TLN2: variants seen among roughly 807,000 people sequenced by gnomAD.
TLN2 encodes talin 2.
In TLN2, 118 loss-of-function variants were observed where a neutral mutation model predicts 294.7. That is an observed-to-expected ratio of 0.40 (90% CI 0.34 to 0.47). TLN2 has a LOEUF of 0.47. TLN2 is among the 20% of genes least tolerant of loss of function. The pLI, the probability that TLN2 is intolerant of heterozygous loss-of-function variation, is 0.84. For synonymous variants in TLN2, 1,431 were observed against 1,304.5 expected, an observed-to-expected ratio of 1.10 and a Z score of -2.09; for missense variants, 3,083 against 3,282.2, an observed-to-expected ratio of 0.94 and a Z score of 1.48.
chr15:62,457,919 T>C (rs2036572432), intron 1 of TLN2, among the ~76,000 whole-genome samples: 1 of 152,198 alleles, frequency 6.6e-6, no homozygotes, highest in African/African-American at 2.4e-5. Context: ...TGTCGTGACT[T>C]ATTTACCTTG....
At chr15:62,394,901 C>G (rs886868241) in intron 1 of TLN2, among the ~76,000 whole-genome samples, 2 of 152,112 alleles carry the variant, frequency 1.3e-5, no homozygotes, top group Non-Finnish European at 2.9e-5. Flanking sequence ...CATTTGCCAC[C>G]CATTTCACAG....
intron 1 of TLN2, among the ~76,000 whole-genome samples, chr15:62,584,215 A>G (rs945903861): frequency 3.9e-5 from 6 of 152,388 alleles, no homozygotes; most frequent in African/African-American, 1.4e-4. Context: ...GGTTAGAGCT[A>G]CTTACTCATA....
At chr15:62,440,531 G>T (rs1171277187) in intron 1 of TLN2, among the ~76,000 whole-genome samples, 1 of 152,124 alleles carries the variant, frequency 6.6e-6, no homozygotes, top group Non-Finnish European at 1.5e-5. Context: ...GGGTGGGGTG[G>T]TGTTTGTGCC....
At chr15:62,635,164 A>C (rs914426765) in intron 3 of TLN2, among the ~76,000 whole-genome samples, 2 of 152,182 alleles carry the variant, frequency 1.3e-5, no homozygotes, top group Non-Finnish European at 2.9e-5. Flanking sequence ...ATACTTGTAC[A>C]TTCAGATTTC....
At chr15:62,448,363 T>C (rs1066668) in intron 1 of TLN2, among the ~76,000 whole-genome samples, 15,754 of 152,200 alleles carry the variant, frequency 0.1, 814 homozygotes, top group East Asian at 0.16. Flanking sequence ...CAAATGTAGT[T>C]ATAGAAATGC....
chr15:62,404,415 T>G (rs2033248408), intron 1 of TLN2, among the ~76,000 whole-genome samples: 1 of 152,170 alleles, frequency 6.6e-6, no homozygotes, highest in African/African-American at 2.4e-5. Flanking sequence ...GGTGAATCAC[T>G]CATCCCCAGA....
chr15:62,840,530 G>C lies in TLN2; in HGVS notation c.7549G>C (p.Glu2517Gln). The part of the protein sequence containing the change: ...EMLKKERELE[E>Q]ARKKLAQIRQ... ...GCTAAAGAAAGAGCGAGAACTGGAA[G>C]AAGCAAGGAAAAAACTGGCCCAAAT... The change falls in exon 59 of 59, where the codon GAA becomes CAA. Residue 2517 changes from glutamate to glutamine, a missense_variant. Physicochemically the swap from Glu to Gln is conservative, Grantham distance 29. Coordinates refer to ENST00000636159, the MANE Select transcript of TLN2 (RefSeq NM_015059.3). 1 of 1,614,208 alleles carries C rather than the reference G, an allele frequency of 6.2e-7. No individual in the cohort carries two copies. The highest frequency in any genetic ancestry group is 2.2e-5 in the East Asian group (1 of 44,872).
chr15:62,619,885 G>A (rs2048635179), intron 3 of TLN2, among the ~76,000 whole-genome samples: 1 of 152,132 alleles, frequency 6.6e-6, no homozygotes, highest in East Asian at 1.9e-4. Context: ...TTAGCTCTGG[G>A]GTACTAATGT....
intron 42 of TLN2, among the ~76,000 whole-genome samples, chr15:62,771,760 G>A (rs6494353): frequency 0.98 from 149,676 of 152,322 alleles, 73,586 homozygotes; most frequent in Middle Eastern, 1. Context: ...TCTATCTGGA[G>A]CATGTAGAGC....
chr15:62,764,864 G>A (rs1251947478), intron 40 of TLN2, among the ~76,000 whole-genome samples: 3 of 151,808 alleles, frequency 2.0e-5, no homozygotes, highest in African/African-American at 7.3e-5. Flanking sequence ...CCACCCAGGA[G>A]GCTGAGGCAG....
At chr15:62,429,497 C>T (rs1027383368) in intron 1 of TLN2, among the ~76,000 whole-genome samples, 6 of 152,118 alleles carry the variant, frequency 3.9e-5, no homozygotes, top group African/African-American at 1.4e-4. Context: ...GTTTAGTTAC[C>T]CCCTCTAATT....
intron 13 of TLN2, 85 bp from the exon 14 acceptor site, chr15:62,694,229 AGC>A: frequency 1.7e-6 from 2 of 1,201,586 alleles, no homozygotes; most frequent in Non-Finnish European, 2.5e-6. Flanking sequence ...CGCCCGTCTC[AGC>A]CTCCCAAAGT....
chr15:62,607,031 C>T (rs982648422), intron 2 of TLN2, among the ~76,000 whole-genome samples: 1 of 152,160 alleles, frequency 6.6e-6, no homozygotes, highest in Non-Finnish European at 1.5e-5. Flanking sequence ...CCGCCCCTTC[C>T]TCATCTCCGG....
chr15:62,566,260 C>G (rs1044015570), intron 1 of TLN2, among the ~76,000 whole-genome samples: 13 of 152,074 alleles, frequency 8.5e-5, no homozygotes, highest in African/African-American at 2.7e-4. Flanking sequence ...AGCGGGACAT[C>G]AGTACTTCTC....
chr15:62,737,490 A>G (rs1305150850), intron 29 of TLN2, among the ~76,000 whole-genome samples: 1 of 152,214 alleles, frequency 6.6e-6, no homozygotes, highest in Non-Finnish European at 1.5e-5. Flanking sequence ...ACTTCTTTAA[A>G]TGATTCTTCG....
intron 19 of TLN2, among the ~76,000 whole-genome samples, chr15:62,705,059 T>C (rs1430219821): frequency 1.3e-5 from 2 of 152,246 alleles, no homozygotes; most frequent in African/African-American, 2.4e-5. Flanking sequence ...TAAAAGCTTT[T>C]CCTGCCTCTC....
chr15:62,556,549 G>A (rs567997580), intron 1 of TLN2, among the ~76,000 whole-genome samples: 5 of 151,960 alleles, frequency 3.3e-5, no homozygotes, highest in Non-Finnish European at 4.4e-5. Context: ...TCCTCCTGCC[G>A]CAGCCTCCTA....
intron 3 of TLN2, among the ~76,000 whole-genome samples, chr15:62,632,260 C>T (rs1335115696): frequency 2.0e-5 from 3 of 152,208 alleles, no homozygotes; most frequent in African/African-American, 7.2e-5. Context: ...CATTTCTGTT[C>T]TGACTAAATC....
intron 1 of TLN2, among the ~76,000 whole-genome samples, chr15:62,433,550 G>A (rs540411984): frequency 1.3e-5 from 2 of 152,258 alleles, no homozygotes; most frequent in African/African-American, 4.8e-5. Flanking sequence ...GACTGTGATT[G>A]TGTTACCTGC....
Sources: gnomAD v4.1 joint callset for allele counts (sites outside exome capture counted in the v4.1 genomes callset) on GRCh38, gnomAD v4.1.1 for gene constraint, MANE v1.5 for transcripts, NCBI Gene and HGNC (gene_info 2026-07-23, HGNC 2026-07-21) for gene names.